Variants in FNDC3B observed in about 807,000 individuals in gnomAD.
The protein encoded by FNDC3B is fibronectin type III domain containing 3B, also known as fibronectin type III domain-containing protein 3B.
In FNDC3B, 12 loss-of-function variants were observed where a neutral mutation model predicts 151.5. That is an observed-to-expected ratio of 0.08 (90% CI 0.05 to 0.13). FNDC3B has a LOEUF of 0.13. FNDC3B is among the 10% of genes least tolerant of loss of function. The probability of loss-of-function intolerance (pLI) is 1.00; values close to 1 mark genes in which losing one functional copy is unlikely to be tolerated. For synonymous variants in FNDC3B, 528 were observed against 549.0 expected (o/e 0.96, Z 0.54); for missense variants, 1,214 against 1,505.3 (o/e 0.81, Z 3.20).
At chr3:172,222,745 A>G (rs1227840160) in intron 3 of FNDC3B, among the ~76,000 whole-genome samples, 2 of 152,220 alleles carry the variant, frequency 1.3e-5, no homozygotes, top group Non-Finnish European at 2.9e-5. Flanking sequence ...CCCACTGTTC[A>G]TCTCCTGCTG....
At chr3:172,185,681 C>T (rs115294545) in intron 3 of FNDC3B, among the ~76,000 whole-genome samples, 185 of 152,236 alleles carry the variant, frequency 1.2e-3, no homozygotes, top group African/African-American at 4.3e-3. Flanking sequence ...ATTTAGCGTA[C>T]GTTTATCATA....
intron 25 of FNDC3B, among the ~76,000 whole-genome samples, chr3:172,381,887 T>A (rs1300024381): frequency 1.3e-5 from 2 of 152,248 alleles, no homozygotes; most frequent in African/African-American, 2.4e-5. Flanking sequence ...GCATTTGGGT[T>A]GGTTCCAAGT....
chr3:172,093,494 G>A lies in FNDC3B; in HGVS notation c.-28-18958G>A, dbSNP rs917936919. ...AGGATGGTCTCGATCTCCTGACCTC[G>A]TGATCCGCCCGCCTTGGCCTCCCAA... On this transcript the variant is annotated intron_variant, in intron 1 of 25. Transcript: ENST00000415807. 2.6e-5 allele frequency among the ~76,000 whole-genome samples: 4 copies of A among 152,136 alleles called. No homozygotes were observed. In the South Asian group the frequency reaches 6.2e-4, roughly 24 times the overall value.
chr3:172,164,422 A>G (rs1281454926), intron 3 of FNDC3B, among the ~76,000 whole-genome samples: 1 of 152,176 alleles, frequency 6.6e-6, no homozygotes, highest in Non-Finnish European at 1.5e-5. Context: ...TTAGGAAGTA[A>G]TACCTATATG....
intron 3 of FNDC3B, among the ~76,000 whole-genome samples, chr3:172,170,861 GAT>G (rs1723245807): frequency 1.3e-5 from 2 of 152,148 alleles, no homozygotes; most frequent in African/African-American, 4.8e-5. Flanking sequence ...CAAGACAATA[GAT>G]ATTCATTATG....
chr3:172,322,439 A>G (rs1732132681), intron 11 of FNDC3B, among the ~76,000 whole-genome samples: 1 of 152,206 alleles, frequency 6.6e-6, no homozygotes, highest in Non-Finnish European at 1.5e-5. Flanking sequence ...GAGAGTCACA[A>G]GACCACCCGC....
At chr3:172,170,764 T>G (rs1390861534) in intron 3 of FNDC3B, among the ~76,000 whole-genome samples, 2 of 152,238 alleles carry the variant, frequency 1.3e-5, no homozygotes, top group African/African-American at 2.4e-5. Flanking sequence ...AGATGAAACA[T>G]GTTTTGTAAA....
chr3:172,130,808 T>A (rs149092011), intron 2 of FNDC3B, among the ~76,000 whole-genome samples: 15 of 152,314 alleles, frequency 9.8e-5, no homozygotes, highest in Non-Finnish European at 1.2e-4. Flanking sequence ...AATTTGGGAT[T>A]GTCAGAGAAA....
At chr3:172,051,188 A>G (rs1214713263) in intron 1 of FNDC3B, among the ~76,000 whole-genome samples, 1 of 151,492 alleles carries the variant, frequency 6.6e-6, no homozygotes, top group Non-Finnish European at 1.5e-5. Context: ...GTTTCAAGCA[A>G]TTCTTCTGCC....
At chr3:172,300,356 A>G (rs965869976) in intron 9 of FNDC3B, among the ~76,000 whole-genome samples, 6 of 152,208 alleles carry the variant, frequency 3.9e-5, no homozygotes, top group Non-Finnish European at 7.3e-5. Flanking sequence ...GTAAAGGTTT[A>G]CTTTATTAAT....
At chr3:172,362,474 G>A (rs1175384734) in intron 22 of FNDC3B, among the ~76,000 whole-genome samples, 159 bp from the exon 23 acceptor site, 2 of 151,742 alleles carry the variant, frequency 1.3e-5, no homozygotes, top group Admixed American at 6.6e-5. Context: ...GAGCAACCCC[G>A]TGCTTCTATT....
intron 3 of FNDC3B, among the ~76,000 whole-genome samples, chr3:172,180,632 A>T (rs1723841215): frequency 6.6e-6 from 1 of 152,196 alleles, no homozygotes; most frequent in Admixed American, 6.5e-5. Context: ...CTGATTAGAT[A>T]TGAGGGATGT....
chr3:172,299,787 A>G (rs769828015), intron 9 of FNDC3B, among the ~76,000 whole-genome samples: 23 of 152,170 alleles, frequency 1.5e-4, no homozygotes, highest in Admixed American at 1.5e-3. Flanking sequence ...AAGAGCGTAT[A>G]TGAATTACCA....
intron 3 of FNDC3B, among the ~76,000 whole-genome samples, chr3:172,196,639 C>T (rs191219886): frequency 2.0e-5 from 3 of 151,968 alleles, no homozygotes; most frequent in African/African-American, 7.2e-5. Context: ...GTGATCTGAC[C>T]CCTGGGAGAG....
intron 17 of FNDC3B, among the ~76,000 whole-genome samples, chr3:172,342,438 G>A (rs958045773): frequency 3.9e-5 from 6 of 152,180 alleles, no homozygotes; most frequent in African/African-American, 1.4e-4. Flanking sequence ...GAGCTGTATA[G>A]CTCTACCTGA....
At chr3:172,087,723 A>G (rs1718623158) in intron 1 of FNDC3B, among the ~76,000 whole-genome samples, 1 of 152,232 alleles carries the variant, frequency 6.6e-6, no homozygotes, top group African/African-American at 2.4e-5. Context: ...AATGAAATCA[A>G]ACCCTCACTG....
At chr3:172,353,110 A>C in intron 22 of FNDC3B, 27 bp downstream of exon 22, 1 of 1,596,468 alleles carries the variant, frequency 6.3e-7, no homozygotes, top group Non-Finnish European at 8.5e-7. Context: ...AGAAATCTGC[A>C]TCAGCACATC....
At chr3:172,141,834 G>C (rs1372421844) in intron 3 of FNDC3B, among the ~76,000 whole-genome samples, 1 of 151,840 alleles carries the variant, frequency 6.6e-6, no homozygotes, top group African/African-American at 2.4e-5. Context: ...CTGGGAGACA[G>C]AGTGAGACTG....
At chr3:172,180,669 T>G (rs556738406) in intron 3 of FNDC3B, among the ~76,000 whole-genome samples, 19 of 152,296 alleles carry the variant, frequency 1.2e-4, no homozygotes, top group Non-Finnish European at 2.6e-4. Context: ...AGCTAGCGGG[T>G]TTGATCCGGA....
Sources: allele counts gnomAD v4.1 joint callset (sites outside exome capture counted in the v4.1 genomes callset), GRCh38; gene constraint gnomAD v4.1.1; transcripts MANE v1.5; gene names NCBI Gene and HGNC (gene_info 2026-07-23, HGNC 2026-07-21).